Variants in FAF2 observed in about 807,000 individuals in gnomAD.
FAF2 encodes FAS-associated factor 2.
Under a neutral mutation model 62.3 loss-of-function variants are expected in FAF2, and 9 were observed. The observed-to-expected ratio is 0.14, with a 90% CI of 0.09 to 0.25. The LOEUF is 0.25. Among genes scored for constraint, FAF2 ranks in the 10% least tolerant of loss-of-function variants. The pLI is 1.00. For missense variants in FAF2, 368 were observed against 556.2 expected (o/e 0.66, Z 3.40); for synonymous variants, 202 against 198.0 (o/e 1.02, Z -0.17).
At chr5:176,492,131 T>C in intron 4 of FAF2, 63 bp from the exon 5 acceptor site, 1 of 1,597,146 alleles carries the variant, frequency 6.3e-7, no homozygotes, top group Non-Finnish European at 8.6e-7. Context: ...CTGTACAAAT[T>C]GGCCCACTCG....
intron 3 of FAF2, among the ~76,000 whole-genome samples, chr5:176,488,300 A>T (rs1037057178): frequency 1.3e-5 from 2 of 152,038 alleles, no homozygotes; most frequent in African/African-American, 4.8e-5. Context: ...CCATATTTTG[A>T]TGTGTAAATC....
At chr5:176,502,766 T>C (rs1365351366) in intron 10 of FAF2, among the ~76,000 whole-genome samples, 2 of 152,004 alleles carry the variant, frequency 1.3e-5, no homozygotes, top group African/African-American at 4.8e-5. Context: ...AAAAAGAGTA[T>C]CGGCTGGGCG....
At chr5:176,458,941 C>G (rs1266414448) in intron 1 of FAF2, among the ~76,000 whole-genome samples, 1 of 152,074 alleles carries the variant, frequency 6.6e-6, no homozygotes, top group Non-Finnish European at 1.5e-5. Flanking sequence ...ACCTTGATTT[C>G]TTTCTTGATA....
intron 10 of FAF2, among the ~76,000 whole-genome samples, chr5:176,506,358 T>A (rs1234907335): frequency 2.0e-5 from 3 of 152,208 alleles, no homozygotes; most frequent in Non-Finnish European, 4.4e-5. Flanking sequence ...AAGATTGTCC[T>A]ATTAGTCCGT....
chr5:176,485,122 C>T (rs1043068031), intron 2 of FAF2, among the ~76,000 whole-genome samples: 1 of 152,166 alleles, frequency 6.6e-6, no homozygotes, highest in East Asian at 1.9e-4. Context: ...AGAGAAATAG[C>T]TTCCAATGAC....
rs1448960662 is a variant in FAF2, at chr5:176,484,080, GA to G, written c.133-2266del. On this transcript the variant is annotated intron_variant, in intron 2 of 10. Transcript: ENST00000261942. Reference sequence around the variant, plus strand: ...AGAGCTAGACTCCGTCTCAAAAAAAGAAAAAAAAAGAAAAAAAGGGGGCAGA... The same window carrying G: ...AGAGCTAGACTCCGTCTCAAAAAAAGAAAAAAAAGAAAAAAAGGGGGCAGA... Among the ~76,000 whole-genome samples, 4 of 147,852 alleles carry G rather than the reference GA, an allele frequency of 2.7e-5. No individual in the cohort carries two copies. The Admixed American group carries it at 2.7e-4, about 10-fold the overall frequency.
chr5:176,449,100 A>G (rs1489305703), intron 1 of FAF2, among the ~76,000 whole-genome samples: 1 of 152,178 alleles, frequency 6.6e-6, no homozygotes, highest in East Asian at 1.9e-4. Context: ...TCCTGTGCTT[A>G]ACTATGCTTG....
Position 176,486,448 on chromosome 5 carries a change from C to T in FAF2, c.226C>T (p.His76Tyr), listed in dbSNP as rs747282337. The T allele has an allele frequency of 6.2e-7, 1 of 1,614,120 alleles. No individual in the cohort carries two copies. The highest frequency in any genetic ancestry group is 1.1e-5 in the South Asian group (1 of 91,084). The change falls in exon 3 of 11, where the codon CAC (histidine) becomes TAC (tyrosine). Residue 76 changes from histidine to tyrosine, a missense_variant. By Grantham distance (83) the His-to-Tyr change is moderately conservative (BLOSUM62 2). Around this residue, in one of 2 missense-constraint regions of FAF2, gnomAD observed 331 missense variants for 441.9 expected, o/e 0.75. Transcript: ENST00000261942. ...ACCCCTGCAGGTTAATACAGCTGACCACAGGATCTACAGCTATGTTGTCTC... is the reference window on the plus strand; with the variant it reads ...ACCCCTGCAGGTTAATACAGCTGACTACAGGATCTACAGCTATGTTGTCTC... ...SRPLQVNTAD[H>Y]RIYSYVVSRP...
chr5:176,451,886 ATATATATTTTTTTTTTTTTTTT>A (rs1758190213), intron 1 of FAF2, among the ~76,000 whole-genome samples: 1 of 29,238 alleles, frequency 3.4e-5, no homozygotes, highest in Non-Finnish European at 6.1e-5. Context: ...ATATATATAT[ATATATATTTTTTTTTTTTTTTT>A]TTTTTTTTTT....
chr5:176,498,464 G>C (rs557148820), intron 8 of FAF2, among the ~76,000 whole-genome samples: 2 of 152,292 alleles, frequency 1.3e-5, no homozygotes, highest in African/African-American at 4.8e-5. Context: ...TCTTTGATTA[G>C]TGATTCTCTG....
intron 1 of FAF2, among the ~76,000 whole-genome samples, chr5:176,454,056 A>AG (rs1476150591): frequency 6.6e-6 from 1 of 150,694 alleles, no homozygotes; most frequent in Non-Finnish European, 1.5e-5. Context: ...TCTAAAAAAA[A>AG]AAAAATTGGA....
At chr5:176,485,194 C>T (rs981070705) in intron 2 of FAF2, among the ~76,000 whole-genome samples, 5 of 152,118 alleles carry the variant, frequency 3.3e-5, no homozygotes, top group Admixed American at 3.3e-4. Context: ...GGAACATATC[C>T]CTGTGGATAA....
intron 2 of FAF2, 134 bp downstream of exon 2, chr5:176,479,390 G>A (rs966720045): frequency 1.7e-5 from 12 of 708,282 alleles, no homozygotes; most frequent in East Asian, 2.6e-5. Context: ...TAAAAGTGCA[G>A]GAAGGTAAAG....
rs1758283485 is a variant in FAF2, at chr5:176,456,773, C to G, written c.63+8303C>G. Among the ~76,000 whole-genome samples, 4 of 152,172 alleles carry G rather than the reference C, an allele frequency of 2.6e-5. No homozygotes were observed. In the South Asian group the frequency reaches 8.3e-4, roughly 31 times the overall value. On this transcript the variant is annotated intron_variant, in intron 1 of 10. Transcript: ENST00000261942. The stretch of plus-strand genomic sequence containing the variant: ...TTTTCAGAGTTTTCCTGTTTATTTG[C>G]TCCTCTAAAAGAAATTTGAAATCAA...
At chr5:176,490,228 G>A (rs1274811403) in intron 4 of FAF2, among the ~76,000 whole-genome samples, 1 of 151,732 alleles carries the variant, frequency 6.6e-6, no homozygotes, top group Non-Finnish European at 1.5e-5. Context: ...GGAGAATGGC[G>A]TGAACCCGGG....
chr5:176,462,231 G>A (rs777470245), intron 1 of FAF2, among the ~76,000 whole-genome samples: 12 of 152,092 alleles, frequency 7.9e-5, no homozygotes, highest in Non-Finnish European at 1.5e-4. Flanking sequence ...AGCCGAGATC[G>A]CAACATTGCA....
rs1758985953 is a variant in FAF2 at position 176,492,297 on chromosome 5, G to T, written c.448G>T (p.Ala150Ser). Residue 150 changes from alanine (A) to serine (S), a missense_variant, in exon 5 of 11, where the codon GCA (alanine) becomes TCA (serine). By Grantham distance (99) the Ala-to-Ser change is moderately conservative (BLOSUM62 1). Transcript: ENST00000261942. The part of the protein sequence containing the change: ...MHSFEEKYGR[A>S]HPVFYQGTYS... ...CTCTTTTGAAGAGAAATATGGGAGGGCACACCCTGTCTTCTACCAGGGAAC... is the reference window on the plus strand; with the variant it reads ...CTCTTTTGAAGAGAAATATGGGAGGTCACACCCTGTCTTCTACCAGGGAAC... The T allele has an allele frequency of 1.2e-6, 2 of 1,613,934 alleles. No individual in the cohort carries two copies. Among genetic ancestry groups the T allele is most frequent in the African/African-American group, 1.3e-5 (1 of 74,898 alleles).
chr5:176,456,895 A>G (rs1758285303), intron 1 of FAF2, among the ~76,000 whole-genome samples: 2 of 152,190 alleles, frequency 1.3e-5, no homozygotes, highest in South Asian at 4.1e-4. Context: ...ACATAGTTAT[A>G]TCTTGGAAAG....
At chr5:176,462,005 A>G (rs1258583021) in intron 1 of FAF2, among the ~76,000 whole-genome samples, 1 of 152,152 alleles carries the variant, frequency 6.6e-6, no homozygotes, top group East Asian at 1.9e-4. Context: ...AGCTAGGTGC[A>G]GTGTCTCACA....
Sources: allele counts gnomAD v4.1 joint callset (sites outside exome capture counted in the v4.1 genomes callset), GRCh38; gene constraint gnomAD v4.1.1; regional missense constraint gnomAD v4.1.1; transcripts MANE v1.5; gene names NCBI Gene and HGNC (gene_info 2026-07-23, HGNC 2026-07-21).